Variants in GALNT3 observed in about 807,000 individuals in gnomAD.
GALNT3 encodes the protein polypeptide N-acetylgalactosaminyltransferase 3.
Under a neutral mutation model 69.8 loss-of-function variants are expected in GALNT3, and 51 were observed. That is an observed-to-expected ratio of 0.73 (90% CI 0.58 to 0.92). GALNT3 has a LOEUF of 0.92. Among genes scored for constraint, GALNT3 ranks in the 40% least tolerant of loss-of-function variants. The pLI, the probability that GALNT3 is intolerant of heterozygous loss-of-function variation, is 0.00. For synonymous variants in GALNT3, 265 were observed against 248.5 expected (o/e 1.07, Z -0.63); for missense variants, 711 against 760.0 (o/e 0.94, Z 0.76).
At chr2:165,777,016 C>T (rs1037036442) in intron 1 of GALNT3, among the ~76,000 whole-genome samples, 1 of 152,140 alleles carries the variant, frequency 6.6e-6, no homozygotes, top group Admixed American at 6.6e-5. Flanking sequence ...TTCATTTAAC[C>T]TAAAAATTCC....
chr2:165,793,248 A>T (rs1003220479), intron 1 of GALNT3, among the ~76,000 whole-genome samples: 1 of 152,168 alleles, frequency 6.6e-6, no homozygotes, highest in African/African-American at 2.4e-5. Flanking sequence ...CCACAGGCAA[A>T]CCATAGCCGC....
intron 1 of GALNT3, among the ~76,000 whole-genome samples, chr2:165,784,002 C>A (rs183986947): frequency 6.6e-6 from 1 of 152,286 alleles, no homozygotes; most frequent in African/African-American, 2.4e-5. Context: ...ATTATCCACT[C>A]TTCATGGTTA....
intron 2 of GALNT3, among the ~76,000 whole-genome samples, chr2:165,767,683 G>C (rs1171106830): frequency 1.3e-5 from 2 of 152,058 alleles, no homozygotes. Flanking sequence ...CAAAGTGACT[G>C]TATCATTCCA....
intron 3 of GALNT3, 63 bp from the exon 4 acceptor site, chr2:165,762,117 A>G (rs1421345452): frequency 8.5e-7 from 1 of 1,182,206 alleles, no homozygotes; most frequent in East Asian, 2.4e-5. Flanking sequence ...AGCTTATGAA[A>G]GCTAATGAAA....
intron 1 of GALNT3, among the ~76,000 whole-genome samples, chr2:165,791,255 C>CTGTGTGTG (rs71913828): frequency 6.1e-5 from 9 of 147,254 alleles, no homozygotes; most frequent in South Asian, 2.2e-4. Context: ...GGGTGTGTGC[C>CTGTGTGTG]TGTGTGTGTG....
intron 4 of GALNT3, among the ~76,000 whole-genome samples, chr2:165,760,363 T>C (rs1258757987): frequency 6.6e-6 from 1 of 152,162 alleles, no homozygotes; most frequent in African/African-American, 2.4e-5. Flanking sequence ...TTTCATGTCA[T>C]GATAGGTCTA....
At chr2:165,757,371 A>T in intron 6 of GALNT3, 124 bp from the exon 7 acceptor site, 1 of 891,552 alleles carries the variant, frequency 1.1e-6, no homozygotes, top group Non-Finnish European at 1.8e-6. Context: ...TATTACAAAT[A>T]GTCTCTGTCC....
chr2:165,764,538 G>A (rs1220951312), intron 3 of GALNT3, among the ~76,000 whole-genome samples: 1 of 152,196 alleles, frequency 6.6e-6, no homozygotes, highest in Admixed American at 6.5e-5. Flanking sequence ...CAGAGAGGTT[G>A]AGTAACTTGC....
intron 4 of GALNT3, among the ~76,000 whole-genome samples, chr2:165,760,981 T>C (rs1380047222): frequency 6.6e-6 from 1 of 152,162 alleles, no homozygotes; most frequent in African/African-American, 2.4e-5. Context: ...ACAATGTTTA[T>C]GTAAGGGATA....
At chr2:165,771,649 C>G (rs1688755275) in intron 1 of GALNT3, 1 of 152,052 alleles carries the variant, frequency 6.6e-6, no homozygotes, top group Non-Finnish European at 1.5e-5. Context: ...AAAAATAGGA[C>G]TTTTTAGGAA....
intron 10 of GALNT3, 52 bp from the exon 11 acceptor site, chr2:165,748,955 G>C (rs1170443436): frequency 6.5e-7 from 1 of 1,541,628 alleles, no homozygotes; most frequent in East Asian, 2.3e-5. Context: ...ATAGTTAAGT[G>C]ACAAATATGA....
At chr2:165,769,435 A>AATAATAATC (rs1463977967) in intron 2 of GALNT3, among the ~76,000 whole-genome samples, 1 of 141,150 alleles carries the variant, frequency 7.1e-6, no homozygotes, top group Non-Finnish European at 1.5e-5. Flanking sequence ...TAATAATAAT[A>AATAATAATC]ATAATAAATA....
intron 3 of GALNT3, among the ~76,000 whole-genome samples, chr2:165,763,408 G>A (rs1294016175): frequency 6.6e-6 from 1 of 152,086 alleles, no homozygotes; most frequent in African/African-American, 2.4e-5. Context: ...GGAAAGTGCA[G>A]GAACAACCCT....
At position 165,758,882 on chromosome 2, in the gene GALNT3, G is replaced by T; in HGVS notation, c.1074-18C>A. ...TGGGTGTTCTGAAAAATAATCCATT[G>T]TCAAATTTTGTTATAAAAACTAAAC... On this transcript the variant is annotated intron_variant, in intron 5 of 10. Transcript: ENST00000392701. 1 of 1,432,874 alleles carries T rather than the reference G, an allele frequency of 7.0e-7. No homozygotes were observed. The highest frequency in any genetic ancestry group is 9.8e-7 in the Non-Finnish European group (1 of 1,015,268). The allele number at this position is 1,432,874 out of a possible 1,614,324, so 88.8% of individuals were successfully genotyped here.
chr2:165,777,099 TAAG>T (rs1340535851), intron 1 of GALNT3, among the ~76,000 whole-genome samples: 4 of 152,160 alleles, frequency 2.6e-5, no homozygotes, highest in African/African-American at 9.7e-5. Context: ...TTTAATGAAA[TAAG>T]AAGATAGTGG....
intron 1 of GALNT3, among the ~76,000 whole-genome samples, chr2:165,781,991 C>T (rs1169109951): frequency 6.6e-6 from 1 of 152,132 alleles, no homozygotes; most frequent in African/African-American, 2.4e-5. Flanking sequence ...GATATTACAT[C>T]TGGGTCAGCA....
At chr2:165,780,866 G>A (rs181016066) in intron 1 of GALNT3, among the ~76,000 whole-genome samples, 3 of 152,176 alleles carry the variant, frequency 2.0e-5, no homozygotes, top group Admixed American at 2.0e-4. Flanking sequence ...ATATATTGCT[G>A]TTGTACATCG....
intron 4 of GALNT3, 47 bp downstream of exon 4, chr2:165,761,852 TAGAGGG>T (rs1558997743): frequency 6.3e-7 from 1 of 1,581,302 alleles, no homozygotes; most frequent in Admixed American, 1.7e-5. Context: ...CCTTTTAAAT[TAGAGGG>T]AGAGGGAGGG....
intron 1 of GALNT3, 103 bp downstream of exon 1, chr2:165,793,912 A>ACCGTGGACCGTAGC (rs1683406822): frequency 6.6e-6 from 1 of 151,932 alleles, no homozygotes; most frequent in South Asian, 2.1e-4. Flanking sequence ...GGCCACCTGG[A>ACCGTGGACCGTAGC]CCGTAGCCCT....
Sources: allele counts gnomAD v4.1 joint callset (sites outside exome capture counted in the v4.1 genomes callset), GRCh38; gene constraint gnomAD v4.1.1; transcripts MANE v1.5; gene names NCBI Gene and HGNC (gene_info 2026-07-23, HGNC 2026-07-21).